The following ZC3H6 variants were observed in gnomAD, a reference collection of about 807,000 sequenced individuals.
ZC3H6 encodes the protein zinc finger CCCH-type containing 6, also known as zinc finger CCCH domain-containing protein 6.
ZC3H6 carries 40 observed loss-of-function variants against 107.7 expected under a neutral mutation model. That is an observed-to-expected ratio of 0.37 (90% CI 0.29 to 0.48). The LOEUF is 0.48. Ranked by LOEUF, ZC3H6 falls within the 20% of genes least tolerant of loss-of-function variation. The pLI, the probability that ZC3H6 is intolerant of heterozygous loss-of-function variation, is 0.98. For synonymous variants in ZC3H6, 493 were observed against 487.9 expected (o/e 1.01, Z -0.14); for missense variants, 1,267 against 1,410.4 (o/e 0.90, Z 1.63).
Position 112,275,674 on chromosome 2 carries a change from C to T in ZC3H6, c.-321C>T, listed in dbSNP as rs1459691307. 1.2e-5 allele frequency: 5 copies of T among 415,400 alleles called. No individual in the cohort carries two copies. The highest frequency in any genetic ancestry group is 1.7e-5 in the Non-Finnish European group (4 of 234,594). The allele number at this position is 415,400 out of a possible 1,614,324, so 25.7% of individuals were successfully genotyped here. ...TCACCGTTACGGCCACTGTCCAAAT[C>T]CCCGCGTCGCTGCACGCCGCCCGCC... On this transcript the variant is annotated 5_prime_UTR_variant, in exon 1 of 12. Coordinates refer to ENST00000409871, the MANE Select transcript of ZC3H6 (RefSeq NM_198581.3).
At chr2:112,316,384 A>G in intron 5 of ZC3H6, 86 bp from the exon 6 acceptor site, 1 of 796,988 alleles carries the variant, frequency 1.3e-6, no homozygotes, top group Non-Finnish European at 2.1e-6. Context: ...GTCAATTTGT[A>G]CTTTTTTCCA....
In ZC3H6 at chr2:112,331,785, C is replaced by G. The variant is rs1677038368; in HGVS notation, c.2867C>G (p.Ser956Ter). ...GAACAATTTGGAGACTCACACGGTT[C>G]AGGAGCTAAATTAGGAGATCCTAGA... The part of the protein sequence containing the change: ...YLEQFGDSHG[S>*]GAKLGDPRLQ... The change falls in exon 12 of 12, where the codon TCA (serine) becomes TGA (stop). Residue 956 changes from serine to a stop codon, truncating the protein, a stop_gained. Coordinates refer to ENST00000409871, the MANE Select transcript of ZC3H6 (RefSeq NM_198581.3). LOFTEE classifies it high-confidence loss of function. 6.2e-7 allele frequency: 1 copy of G among 1,613,638 alleles called. No individual in the cohort carries two copies. The highest frequency in any genetic ancestry group is 8.5e-7 in the Non-Finnish European group (1 of 1,179,858).
chr2:112,278,020 C>T (rs537515426), intron 1 of ZC3H6, among the ~76,000 whole-genome samples: 2 of 152,226 alleles, frequency 1.3e-5, no homozygotes, highest in Non-Finnish European at 2.9e-5. Flanking sequence ...AAATTGAGAA[C>T]CGCTATACTC....
chr2:112,324,089 T>C, intron 9 of ZC3H6, 63 bp from the exon 10 acceptor site: 1 of 1,483,194 alleles, frequency 6.7e-7, no homozygotes, highest in Non-Finnish European at 9.1e-7. Flanking sequence ...TGTTTAGAAG[T>C]GTTAACATTC....
At position 112,275,969 on chromosome 2, in the gene ZC3H6, C is replaced by T. The variant is rs1686407529; in HGVS notation, c.-26C>T. On this transcript the variant is annotated 5_prime_UTR_variant, in exon 1 of 12. Transcript: ENST00000409871. ...CCGCCGGCCTCGCAGACCTGCCCTC[C>T]AGCCCCGCCCCGTTCTTGACCAAAC... 6.6e-7 allele frequency: 1 copy of T among 1,526,570 alleles called. No individual in the cohort carries two copies. The allele number at this position is 1,526,570 out of a possible 1,614,324, so 94.6% of individuals were successfully genotyped here.
chr2:112,296,160 C>T (rs545528782), intron 1 of ZC3H6, among the ~76,000 whole-genome samples: 41 of 152,170 alleles, frequency 2.7e-4, no homozygotes, highest in African/African-American at 9.9e-4. Context: ...CAGAATATTT[C>T]AGTACCTCAG....
At chr2:112,323,820 G>A (rs1227658836) in intron 9 of ZC3H6, among the ~76,000 whole-genome samples, 2 of 152,172 alleles carry the variant, frequency 1.3e-5, no homozygotes, top group African/African-American at 4.8e-5. Flanking sequence ...ATATATGCCT[G>A]AAAAAGAGGA....
Position 112,337,170 on chromosome 2 carries a change from A to C in ZC3H6, c.*4682A>C, listed in dbSNP as rs1442229191. The C allele has an allele frequency of 3.3e-5, 5 of 152,366 alleles. No homozygotes were observed. The highest frequency in any genetic ancestry group is 1.2e-4 in the African/African-American group (5 of 41,588). 9.4% of individuals were successfully genotyped at this position (152,366 alleles called of 1,614,324 possible). ...CTTAGGAGCTCCATGTTTCCATAAT[A>C]ATTCATAACTTTAAGAGTCCTCCAG... On this transcript the variant is annotated 3_prime_UTR_variant, in exon 12 of 12. Transcript: ENST00000409871.
At chr2:112,290,259 G>A (rs1180150239) in intron 1 of ZC3H6, among the ~76,000 whole-genome samples, 1 of 152,218 alleles carries the variant, frequency 6.6e-6, no homozygotes, top group African/African-American at 2.4e-5. Context: ...AGTGACACTG[G>A]CCTTGTCTCA....
At chr2:112,304,289 A>C (rs903698180) in intron 3 of ZC3H6, among the ~76,000 whole-genome samples, 2 of 152,216 alleles carry the variant, frequency 1.3e-5, no homozygotes, top group East Asian at 3.8e-4. Context: ...ACAAAAGAAT[A>C]CATAATGTAT....
intron 3 of ZC3H6, among the ~76,000 whole-genome samples, chr2:112,309,600 G>T (rs1459799257): frequency 6.6e-6 from 1 of 152,104 alleles, no homozygotes; most frequent in South Asian, 2.1e-4. Context: ...ATGTATGATT[G>T]TGTGTATTTT....
chr2:112,324,130 A>G (rs1676856529), intron 9 of ZC3H6, 22 bp from the exon 10 acceptor site: 2 of 1,531,222 alleles, frequency 1.3e-6, no homozygotes, highest in African/African-American at 1.4e-5. Context: ...GAACTAAGAA[A>G]TATTATTATT....
intron 1 of ZC3H6, among the ~76,000 whole-genome samples, chr2:112,290,176 C>T (rs1159927858): frequency 6.6e-6 from 1 of 152,214 alleles, no homozygotes; most frequent in East Asian, 1.9e-4. Flanking sequence ...ACTGGTCTGC[C>T]CTGGTGACCA....
chr2:112,280,279 T>A (rs1452844511), intron 1 of ZC3H6, among the ~76,000 whole-genome samples: 1 of 152,192 alleles, frequency 6.6e-6, no homozygotes, highest in Non-Finnish European at 1.5e-5. Flanking sequence ...GATTCCTGAA[T>A]CCACTAATTT....
At chr2:112,310,343 A>T (rs1157093921) in intron 4 of ZC3H6, among the ~76,000 whole-genome samples, 182 bp downstream of exon 4, 1 of 152,220 alleles carries the variant, frequency 6.6e-6, no homozygotes, top group Non-Finnish European at 1.5e-5. Context: ...AATCTGTATG[A>T]TACATGAATA....
At chr2:112,321,612 C>T (rs1452438858) in intron 7 of ZC3H6, 144 bp from the exon 8 acceptor site, 2 of 436,352 alleles carry the variant, frequency 4.6e-6, no homozygotes, top group African/African-American at 4.1e-5. Context: ...TTTAAGTATA[C>T]AATACAGTAT....
At chr2:112,322,434 C>A (rs1167969977) in intron 8 of ZC3H6, among the ~76,000 whole-genome samples, 2 of 151,794 alleles carry the variant, frequency 1.3e-5, no homozygotes, top group African/African-American at 2.4e-5. Flanking sequence ...TTTGTAGAGA[C>A]AGGGGTTTCT....
intron 1 of ZC3H6, among the ~76,000 whole-genome samples, chr2:112,292,956 G>A (rs945930693): frequency 6.6e-6 from 1 of 152,080 alleles, no homozygotes; most frequent in Non-Finnish European, 1.5e-5. Context: ...AATAACTCCA[G>A]TATACCTGGA....
intron 1 of ZC3H6, among the ~76,000 whole-genome samples, chr2:112,287,950 CCTTT>C (rs1686641080): frequency 3.3e-5 from 5 of 152,328 alleles, no homozygotes; most frequent in Admixed American, 3.3e-4. Context: ...ACATGGCATG[CCTTT>C]CTGTTTTACT....
Sources: allele counts gnomAD v4.1 joint callset (sites outside exome capture counted in the v4.1 genomes callset), GRCh38; gene constraint gnomAD v4.1.1; transcripts MANE v1.5; gene names NCBI Gene and HGNC (gene_info 2026-07-23, HGNC 2026-07-21).